Variants in NBPF12 observed in about 807,000 individuals in gnomAD.
NBPF12 encodes the protein NBPF family member NBPF12.
Under a neutral mutation model 146.4 loss-of-function variants are expected in NBPF12, and 115 were observed. The observed-to-expected ratio is 0.79, with a 90% CI of 0.68 to 0.92. The LOEUF (loss-of-function observed/expected upper bound fraction) is 0.92, where lower values mean the gene tolerates loss of function less well. Among genes scored for constraint, NBPF12 ranks in the 40% least tolerant of loss-of-function variants. The pLI is 0.00. For missense variants in NBPF12, 1,205 were observed against 1,326.8 expected (o/e 0.91, Z 1.43); for synonymous variants, 385 against 508.9 (o/e 0.76, Z 3.28).
chr1:146,974,136 A>T (rs1240695848), intron 14 of NBPF12, among the ~76,000 whole-genome samples: 2 of 150,430 alleles, frequency 1.3e-5, no homozygotes, highest in South Asian at 4.2e-4. Context: ...TTAGTTCTTC[A>T]TTCTGCTGTT....
chr1:146,961,262 A>C (rs1655831987), intron 4 of NBPF12, among the ~76,000 whole-genome samples: 2 of 151,920 alleles, frequency 1.3e-5, no homozygotes, highest in Middle Eastern at 3.4e-3. Context: ...AAGAGGAAGA[A>C]AGATCACACC....
chr1:146,954,808 A>G (rs1655492792), intron 2 of NBPF12, among the ~76,000 whole-genome samples: 2 of 149,722 alleles, frequency 1.3e-5, no homozygotes, highest in Admixed American at 6.7e-5. Context: ...GTGGAAGAGA[A>G]GAGAGAATCC....
rs1379192147 is a variant in NBPF12, at chr1:146,954,940, GT to G, written c.-184+3455del. Among the ~76,000 whole-genome samples, 25 of 102,108 alleles carry G rather than the reference GT, an allele frequency of 2.4e-4. 1 individual carries two copies. The East Asian group carries it at 6.2e-3, about 25-fold the overall frequency. The allele number at this position is 102,108 out of a possible 152,430, so 67.0% of individuals were successfully genotyped here. Reference sequence around the variant, plus strand: ...GTGTGTGTATATATATATATTCACCGTTTTGAAGATTATCATCTCCAAATAG... The same window carrying G: ...GTGTGTGTATATATATATATTCACCGTTTGAAGATTATCATCTCCAAATAG... On this transcript the variant is annotated intron_variant, in intron 2 of 33. Coordinates refer to ENST00000617844, the Ensembl canonical transcript of NBPF12.
chr1:146,964,386 C>A, exon 7 of NBPF12: 1 of 1,603,268 alleles, frequency 6.2e-7, no homozygotes, highest in South Asian at 1.1e-5. Context: ...TGAAGATGTT[C>A]AAGTTGAGGA....
upstream of NBPF12, among the ~76,000 whole-genome samples, chr1:146,944,453 C>G (rs1654930803): frequency 2.0e-5 from 3 of 147,114 alleles, 1 homozygote; most frequent in Admixed American, 2.1e-4. Flanking sequence ...ATGTCAGACC[C>G]AGGGGCTGAG....
intron 4 of NBPF12, among the ~76,000 whole-genome samples, chr1:146,960,945 A>G (rs1655809735): frequency 6.6e-6 from 1 of 152,124 alleles, no homozygotes; most frequent in African/African-American, 2.4e-5. Flanking sequence ...CAGCAGTTTG[A>G]GACTAGCCTG....
chr1:146,984,764 G>A, intron 21 of NBPF12, 49 bp from the exon 25 acceptor site: 1 of 869,420 alleles, frequency 1.2e-6, no homozygotes, highest in Non-Finnish European at 2.0e-6. Flanking sequence ...GGGGCTGTGT[G>A]GTTTCTGATT....
At chr1:146,994,206 T>G in intron 33 of NBPF12, 126 bp from the exon 37 acceptor site, 1 of 1,586,642 alleles carries the variant, frequency 6.3e-7, no homozygotes. Flanking sequence ...AATAATTTGT[T>G]ACCTCATTAA....
rs1254210293 is a variant in NBPF12 at position 146,958,122 on chromosome 1, T to C, written c.-183-1737T>C. On this transcript the variant is annotated intron_variant, in intron 2 of 33. Coordinates refer to ENST00000617844, the Ensembl canonical transcript of NBPF12. ...CATTTACACTAGGTATATATCCTAA[T>C]GCTATCCCTCCCCCAGCCCTCACCC... Among the ~76,000 whole-genome samples the C allele has an allele frequency of 4.2e-5, 5 of 118,290 alleles. 1 individual carries two copies. Among genetic ancestry groups the C allele is most frequent in the Non-Finnish European group, 9.2e-5 (5 of 54,318 alleles). The allele number at this position is 118,290 out of a possible 152,430, so 77.6% of individuals were successfully genotyped here.
At chr1:146,982,587 G>A (rs1657463082) in intron 19 of NBPF12, among the ~76,000 whole-genome samples, 2 of 152,090 alleles carry the variant, frequency 1.3e-5, no homozygotes, top group Middle Eastern at 3.4e-3. Context: ...CTTGAATGCT[G>A]CGTGTAAAAT....
upstream of NBPF12, among the ~76,000 whole-genome samples, chr1:146,948,862 T>A (rs1655194195): frequency 6.6e-6 from 1 of 151,388 alleles, no homozygotes; most frequent in African/African-American, 2.4e-5. Context: ...CGATTGTATA[T>A]TCCATCTACT....
chr1:146,939,727 C>T (rs1218634543), intron 1 of NBPF12, among the ~76,000 whole-genome samples: 3 of 151,914 alleles, frequency 2.0e-5, no homozygotes, highest in Admixed American at 1.3e-4. Context: ...GAGCTGCTTT[C>T]GAAAGAAGCA....
chr1:146,962,093 C>T (rs1435101044), intron 4 of NBPF12, 68 bp from the exon 8 acceptor site: 5 of 1,492,118 alleles, frequency 3.4e-6, no homozygotes, highest in South Asian at 2.3e-5. Flanking sequence ...GGCTCCTGCC[C>T]TGTAGGCAGT....
intron 27 of NBPF12, 30 bp from the exon 31 acceptor site, chr1:146,989,544 G>A: frequency 2.2e-6 from 3 of 1,354,322 alleles, no homozygotes; most frequent in African/African-American, 1.4e-5. Flanking sequence ...ATTCCCCCTG[G>A]CTTATTCTTT....
chr1:146,965,791 CAAA>C (rs1162462110), intron 8 of NBPF12, among the ~76,000 whole-genome samples: 285 of 29,636 alleles, frequency 9.6e-3, no homozygotes, highest in Admixed American at 0.03. Flanking sequence ...GACTGCATCT[CAAA>C]AAAAAAAAAA....
At chr1:146,949,882 C>G (rs1655249740) in intron 1 of NBPF12, among the ~76,000 whole-genome samples, 1 of 151,846 alleles carries the variant, frequency 6.6e-6, no homozygotes, top group African/African-American at 2.4e-5. Context: ...TGGAGTCCTT[C>G]TCAAGCTCCC....
intron 1 of NBPF12, among the ~76,000 whole-genome samples, chr1:146,943,074 T>TAACA (rs1654877200): frequency 1.4e-5 from 2 of 145,424 alleles, no homozygotes; most frequent in African/African-American, 5.1e-5. Context: ...TAATTTCTCA[T>TAACA]TTTTTATTTT....
At chr1:146,945,993 ACTT>A (rs1324475453), upstream of NBPF12, among the ~76,000 whole-genome samples, 2 of 151,616 alleles carry the variant, frequency 1.3e-5, no homozygotes, top group East Asian at 3.9e-4. Context: ...TCGTTTTACT[ACTT>A]CTATCTTTTT....
intron 19 of NBPF12, among the ~76,000 whole-genome samples, chr1:146,982,169 G>C (rs1290364972): frequency 7.2e-6 from 1 of 138,926 alleles, no homozygotes; most frequent in Non-Finnish European, 1.5e-5. Context: ...TTGTGCTCTG[G>C]TTTCTCCCCA....
Sources: gnomAD v4.1 joint callset for allele counts (sites outside exome capture counted in the v4.1 genomes callset) on GRCh38, gnomAD v4.1.1 for gene constraint, MANE v1.5 for transcripts, NCBI Gene and HGNC (gene_info 2026-07-23, HGNC 2026-07-21) for gene names.